ABI3BP: variants seen among roughly 807,000 people sequenced by gnomAD.
ABI3BP encodes the protein target of Nesh-SH3.
Under a neutral mutation model 268.6 loss-of-function variants are expected in ABI3BP, and 216 were observed. The ratio of observed to expected loss-of-function variants is 0.80; its 90% CI spans 0.72 to 0.90. ABI3BP has a LOEUF of 0.90. Ranked by LOEUF, ABI3BP falls within the 40% of genes least tolerant of loss-of-function variation. The pLI, the probability that ABI3BP is intolerant of heterozygous loss-of-function variation, is 0.00. For synonymous variants in ABI3BP, 730 were observed against 730.0 expected, an observed-to-expected ratio of 1.00 and a Z score of 0.00; for missense variants, 2,090 against 2,182.4, an observed-to-expected ratio of 0.96 and a Z score of 0.84.
intron 43 of ABI3BP, chr3:100,816,451 C>G: frequency 1.7e-6 from 1 of 604,754 alleles, no homozygotes; most frequent in East Asian, 2.8e-5. Flanking sequence ...TAAAGAGGGA[C>G]CAAGAACGTC....
At chr3:100,841,115 C>T (rs9828061) in intron 21 of ABI3BP, among the ~76,000 whole-genome samples, 104,260 of 150,120 alleles carry the variant, frequency 0.69, 36,802 homozygotes, top group African/African-American at 0.84. Flanking sequence ...TCACTTGGAA[C>T]ATGTGACTGT....
intron 57 of ABI3BP, among the ~76,000 whole-genome samples, chr3:100,782,485 C>T (rs2096898295): frequency 6.6e-6 from 1 of 152,030 alleles, no homozygotes; most frequent in African/African-American, 2.4e-5. Context: ...GGACTTTCTC[C>T]AGCCTTTAGA....
chr3:100,853,196 G>T (rs989853025), intron 14 of ABI3BP, among the ~76,000 whole-genome samples: 2 of 152,134 alleles, frequency 1.3e-5, no homozygotes, highest in African/African-American at 4.8e-5. Context: ...AATGTGTGAA[G>T]GTGAATCTAC....
At chr3:100,888,992 A>C (rs2043228222) in intron 4 of ABI3BP, among the ~76,000 whole-genome samples, 1 of 152,200 alleles carries the variant, frequency 6.6e-6, no homozygotes, top group South Asian at 2.1e-4. Flanking sequence ...TGGTGCTCTA[A>C]GGGTCATTTA....
intron 51 of ABI3BP, among the ~76,000 whole-genome samples, chr3:100,796,787 T>C (rs931965374): frequency 3.3e-5 from 5 of 152,052 alleles, no homozygotes; most frequent in East Asian, 3.9e-4. Context: ...AAATAGAAAG[T>C]CAGTTTTTGC....
rs1378806397 is a variant in ABI3BP at position 100,846,426 on chromosome 3, T to C, written c.1669A>G (p.Ile557Val). The C allele has an allele frequency of 3.8e-6, 6 of 1,598,326 alleles. No individual in the cohort carries two copies. Among genetic ancestry groups the C allele is most frequent in the Non-Finnish European group, 5.1e-6 (6 of 1,171,792 alleles). Residue 557 changes from isoleucine (I) to valine (V), a missense_variant, in exon 20 of 68, where the codon ATT (isoleucine) becomes GTT (valine). Physicochemically the swap from Ile to Val is conservative, Grantham distance 29 (BLOSUM62 3). Coordinates refer to ENST00000471714, the MANE Select transcript of ABI3BP (RefSeq NM_001375547.2). ...TTPAPGKTQF[I>V]SLKPKIPLSP... The stretch of plus-strand genomic sequence containing the variant: ...AGAGGGATTTTAGGTTTCAGAGAAA[T>C]AAATTGTGTTTTACCGGGAGCTGGA...
intron 43 of ABI3BP, chr3:100,816,445 G>A: frequency 3.4e-6 from 2 of 596,886 alleles, no homozygotes; most frequent in Non-Finnish European, 6.0e-6. Context: ...CATCTTTAAA[G>A]AGGGACCAAG....
At chr3:100,951,212 C>T (rs944720764) in intron 1 of ABI3BP, among the ~76,000 whole-genome samples, 3 of 151,870 alleles carry the variant, frequency 2.0e-5, no homozygotes, top group Non-Finnish European at 4.4e-5. Flanking sequence ...TCTGACCACC[C>T]TAATGCATCT....
intron 1 of ABI3BP, among the ~76,000 whole-genome samples, chr3:100,991,609 A>G (rs1276496452): frequency 6.6e-6 from 1 of 152,210 alleles, no homozygotes; most frequent in Non-Finnish European, 1.5e-5. Flanking sequence ...GACTTCAGCT[A>G]AAAGGTCCTC....
chr3:100,891,801 T>C (rs2044809551), intron 4 of ABI3BP, among the ~76,000 whole-genome samples: 1 of 152,244 alleles, frequency 6.6e-6, no homozygotes, highest in Admixed American at 6.5e-5. Flanking sequence ...AATACAATGC[T>C]GGGTTCTGTG....
chr3:100,784,720 C>T (rs893680336), intron 57 of ABI3BP, among the ~76,000 whole-genome samples: 18 of 152,084 alleles, frequency 1.2e-4, no homozygotes, highest in African/African-American at 2.4e-4. Flanking sequence ...AACATGATAA[C>T]GTCTTTTGCA....
chr3:100,882,631 C>T (rs1335080495), intron 6 of ABI3BP, among the ~76,000 whole-genome samples: 1 of 151,984 alleles, frequency 6.6e-6, no homozygotes, highest in East Asian at 1.9e-4. Context: ...ATGCCTGGCT[C>T]TGTGTCATGC....
intron 2 of ABI3BP, among the ~76,000 whole-genome samples, chr3:100,924,122 AC>A (rs1388759831): frequency 6.6e-6 from 1 of 152,166 alleles, no homozygotes; most frequent in Non-Finnish European, 1.5e-5. Flanking sequence ...AATGGAAGCA[AC>A]CAGTTCCATA....
chr3:100,992,381 C>T (rs1002505286), intron 1 of ABI3BP, among the ~76,000 whole-genome samples: 2 of 152,192 alleles, frequency 1.3e-5, no homozygotes, highest in Non-Finnish European at 2.9e-5. Flanking sequence ...TTCTTTCTGA[C>T]TTTAGGCACA....
intron 63 of ABI3BP, among the ~76,000 whole-genome samples, chr3:100,758,324 C>A (rs182969842): frequency 2.0e-5 from 3 of 152,066 alleles, no homozygotes; most frequent in Non-Finnish European, 4.4e-5. Flanking sequence ...TATAACTTCA[C>A]GGGGGCTATA....
intron 57 of ABI3BP, among the ~76,000 whole-genome samples, chr3:100,786,777 A>T (rs2097059875): frequency 6.6e-6 from 1 of 152,168 alleles, no homozygotes; most frequent in Admixed American, 6.6e-5. Context: ...ACAAATAGAT[A>T]TTGAGATGCT....
At chr3:100,961,807 A>C (rs2079202831) in intron 1 of ABI3BP, among the ~76,000 whole-genome samples, 1 of 152,176 alleles carries the variant, frequency 6.6e-6, no homozygotes, top group African/African-American at 2.4e-5. Flanking sequence ...TCATTGAAAA[A>C]TAGCCTTCAT....
Position 100,902,671 on chromosome 3 carries a change from T to C in ABI3BP, c.275A>G (p.Tyr92Cys). The C allele has an allele frequency of 1.2e-6, 2 of 1,613,942 alleles. No homozygotes were observed. Among genetic ancestry groups the C allele is most frequent in the Non-Finnish European group, 1.7e-6 (2 of 1,179,874 alleles). Residue 92 changes from tyrosine (Y) to cysteine (C), a missense_variant, in exon 3 of 68, where the codon TAT becomes TGT. Transcript: ENST00000471714. ...TGGAGCAGGTCGCACAACTATCAGA[T>C]ATTTCGGCTCTGCATCTGGAAGCAA... ...TEAIVDAEPKYLIVVRPAPPP... is the reference protein window; with the variant it reads ...TEAIVDAEPKCLIVVRPAPPP...
At chr3:100,759,481 G>C (rs2095825310) in intron 63 of ABI3BP, among the ~76,000 whole-genome samples, 1 of 152,090 alleles carries the variant, frequency 6.6e-6, no homozygotes, top group Non-Finnish European at 1.5e-5. Context: ...CTAAATCAGG[G>C]TATCAGTAGT....
Sources: gnomAD v4.1 joint callset for allele counts (sites outside exome capture counted in the v4.1 genomes callset) on GRCh38, gnomAD v4.1.1 for gene constraint, MANE v1.5 for transcripts, NCBI Gene and HGNC (gene_info 2026-07-23, HGNC 2026-07-21) for gene names.